SYNRG: variants seen among roughly 807,000 people sequenced by gnomAD.
The protein encoded by SYNRG is synergin gamma, also known as AP1 gamma subunit binding protein 1.
Under a neutral mutation model 130.9 loss-of-function variants are expected in SYNRG, and 37 were observed. That is an observed-to-expected ratio of 0.28 (90% CI 0.22 to 0.37). SYNRG has a LOEUF of 0.37. Ranked by LOEUF, SYNRG falls within the 10% of genes least tolerant of loss-of-function variation. The pLI, the probability that SYNRG is intolerant of heterozygous loss-of-function variation, is 1.00. For synonymous variants in SYNRG, 539 were observed against 568.1 expected, an observed-to-expected ratio of 0.95 and a Z score of 0.73; for missense variants, 1,338 against 1,588.9, an observed-to-expected ratio of 0.84 and a Z score of 2.68.
In SYNRG at chr17:37,571,506, C is replaced by T. The variant is rs557279357; in HGVS notation, c.1098+285G>A. 9.2e-5 allele frequency among the ~76,000 whole-genome samples: 14 copies of T among 152,252 alleles called. No individual in the cohort carries two copies. In the East Asian group the frequency reaches 1.7e-3, roughly 19 times the overall value. ...CTGAGGCACGAGAATCACTTGAACC[C>T]GGGAGGCGGAAGCTGCAGTGAGCTG... On this transcript the variant is annotated intron_variant, in intron 9 of 21. Coordinates refer to ENST00000612223, the MANE Select transcript of SYNRG (RefSeq NM_007247.6).
chr17:37,600,490 T>C (rs1331655911), intron 1 of SYNRG, 87 bp from the exon 2 acceptor site: 2 of 1,289,250 alleles, frequency 1.6e-6, no homozygotes, highest in South Asian at 1.2e-5. Context: ...GATAAAAGAC[T>C]TGTAGATGGG....
chr17:37,584,029 C>A (rs748264698), intron 6 of SYNRG, among the ~76,000 whole-genome samples: 1 of 152,076 alleles, frequency 6.6e-6, no homozygotes, highest in Non-Finnish European at 1.5e-5. Context: ...AATGTGGTAA[C>A]AATTATGCAA....
intron 4 of SYNRG, among the ~76,000 whole-genome samples, chr17:37,585,715 G>A (rs529148387): frequency 2.0e-5 from 3 of 152,130 alleles, no homozygotes; most frequent in South Asian, 2.1e-4. Context: ...AAGTATTCTC[G>A]AAAAACAGGC....
chr17:37,535,864 T>C (rs2057138682), intron 19 of SYNRG, 115 bp downstream of exon 19: 2 of 1,377,410 alleles, frequency 1.5e-6, no homozygotes, highest in Non-Finnish European at 2.0e-6. Flanking sequence ...TAATATAACA[T>C]GCTCCAGTTG....
chr17:37,525,567 T>G (rs2143993873), intron 19 of SYNRG, among the ~76,000 whole-genome samples: 1 of 152,330 alleles, frequency 6.6e-6, no homozygotes, highest in East Asian at 1.9e-4. Context: ...GTATGGTGGC[T>G]CACACCTGTA....
Position 37,517,052 on chromosome 17 carries a change from T to C in SYNRG, c.*1888A>G, listed in dbSNP as rs2054481183. 6.6e-6 allele frequency: 1 copy of C among 152,128 alleles called. No homozygotes were observed. Among genetic ancestry groups the C allele is most frequent in the African/African-American group, 2.4e-5 (1 of 41,400 alleles). 9.4% of individuals were successfully genotyped at this position (152,128 alleles called of 1,614,324 possible). A position where few individuals can be genotyped will look rare whatever the true frequency, so the allele number is the denominator to read the frequency against. ...CAACATGGAGAAACCTTGCCTCTACTAAAAATACAAAATTAGCTGGGCGTG... is the reference window on the plus strand; with the variant it reads ...CAACATGGAGAAACCTTGCCTCTACCAAAAATACAAAATTAGCTGGGCGTG... On this transcript the variant is annotated 3_prime_UTR_variant, in exon 22 of 22. Transcript: ENST00000612223.
intron 19 of SYNRG, among the ~76,000 whole-genome samples, chr17:37,528,466 A>ATAATAG (rs1400043720): frequency 1.3e-5 from 2 of 152,180 alleles, no homozygotes; most frequent in East Asian, 1.9e-4. Context: ...AGTAGTAGTA[A>ATAATAG]TAATAGTAAT....
intron 11 of SYNRG, among the ~76,000 whole-genome samples, chr17:37,565,914 G>T (rs1431441215): frequency 6.8e-6 from 1 of 146,648 alleles, no homozygotes; most frequent in Non-Finnish European, 1.5e-5. Flanking sequence ...GAGGGAGGTG[G>T]GGGGGTCAGC....
At chr17:37,584,781 C>A in intron 5 of SYNRG, 22 bp from the exon 6 acceptor site, 1 of 1,559,254 alleles carries the variant, frequency 6.4e-7, no homozygotes, top group Non-Finnish European at 8.8e-7. Flanking sequence ...CAAATATATG[C>A]GTATTTCTTT....
At chr17:37,594,241 ATTAATTATTTTAATT>A (rs2062509561) in intron 3 of SYNRG, among the ~76,000 whole-genome samples, 5 of 144,886 alleles carry the variant, frequency 3.5e-5, no homozygotes, top group South Asian at 2.2e-4. Flanking sequence ...TAATTACAAT[ATTAATTATTTTAATT>A]ATATTAATTA....
At chr17:37,603,362 AC>A (rs1052846410) in intron 1 of SYNRG, among the ~76,000 whole-genome samples, 23 of 152,242 alleles carry the variant, frequency 1.5e-4, no homozygotes, top group African/African-American at 5.5e-4. Flanking sequence ...AATAACAACA[AC>A]AACAACAATA....
At chr17:37,576,442 T>C (rs755153441) in intron 7 of SYNRG, 24 bp from the exon 8 acceptor site, 28 of 1,600,924 alleles carry the variant, frequency 1.7e-5, no homozygotes, top group Non-Finnish European at 2.2e-5. Flanking sequence ...AACATTAATG[T>C]ATATAGTGGT....
rs2054384723 is a variant in SYNRG, at chr17:37,515,800, T to C, written c.*3140A>G. ...AGTGGTCCCCAGTACAGGGCCAGCA[T>C]TTCCTATTTCTGTAACATACAGCCC... On this transcript the variant is annotated 3_prime_UTR_variant, in exon 22 of 22. Coordinates refer to ENST00000612223, the MANE Select transcript of SYNRG (RefSeq NM_007247.6). 6.6e-6 allele frequency: 1 copy of C among 152,232 alleles called. No homozygotes were observed. The highest frequency in any genetic ancestry group is 2.1e-4 in the South Asian group (1 of 4,832). 9.4% of individuals were successfully genotyped at this position (152,232 alleles called of 1,614,324 possible). A position where few individuals can be genotyped will look rare whatever the true frequency, so the allele number is the denominator to read the frequency against.
rs2057836170 is a variant in SYNRG at position 37,542,335 on chromosome 17, C to G, written c.2839G>C (p.Val947Leu). The part of the protein sequence containing the change: ...ENITMTSLSK[V>L]TTFVSEDALP... ...GCATCTTCACTTACAAAGGTCGTTA[C>G]TTTGGAGAGAGATGTCATGGTGATG... The change falls in exon 15 of 22, where the codon GTA becomes CTA. Residue 947 changes from valine (V) to leucine (L), a missense_variant. This residue lies in a region of SYNRG where 1,146 missense variants were observed against 1,342.3 expected (regional missense o/e 0.85). Coordinates refer to ENST00000612223, the MANE Select transcript of SYNRG (RefSeq NM_007247.6). The G allele has an allele frequency of 6.2e-7, 1 of 1,614,092 alleles. No homozygotes were observed. Among genetic ancestry groups the G allele is most frequent in the Non-Finnish European group, 8.5e-7 (1 of 1,180,044 alleles).
At chr17:37,584,389 T>G (rs1180210411) in intron 6 of SYNRG, 6 of 357,680 alleles carry the variant, frequency 1.7e-5, no homozygotes, top group Admixed American at 8.4e-5. Flanking sequence ...AACATATTTA[T>G]ATACAGAAAA....
At chr17:37,608,053 C>T (rs2063966677) in intron 1 of SYNRG, among the ~76,000 whole-genome samples, 1 of 151,078 alleles carries the variant, frequency 6.6e-6, no homozygotes, top group African/African-American at 2.4e-5. Context: ...CAGAAACTGG[C>T]TTACACGAAG....
intron 11 of SYNRG, among the ~76,000 whole-genome samples, chr17:37,564,473 T>C (rs2059772317): frequency 6.6e-6 from 1 of 152,232 alleles, no homozygotes; most frequent in Admixed American, 6.5e-5. Context: ...TCACTTTCAT[T>C]GTGCCACTTC....
At chr17:37,585,234 G>C in intron 5 of SYNRG, 91 bp downstream of exon 5, 8 of 987,882 alleles carry the variant, frequency 8.1e-6, no homozygotes, top group Non-Finnish European at 1.2e-5. Context: ...AGCTTGGGCT[G>C]GTGCCCCAGT....
At chr17:37,522,888 C>T (rs2055316510) in intron 19 of SYNRG, among the ~76,000 whole-genome samples, 1 of 151,828 alleles carries the variant, frequency 6.6e-6, no homozygotes, top group Non-Finnish European at 1.5e-5. Flanking sequence ...ATCTGTCCAC[C>T]TTGGCCTCCC....
Sources: gnomAD v4.1 joint callset for allele counts (sites outside exome capture counted in the v4.1 genomes callset) on GRCh38, gnomAD v4.1.1 for gene constraint, gnomAD v4.1.1 regional missense constraint, MANE v1.5 for transcripts, NCBI Gene and HGNC (gene_info 2026-07-23, HGNC 2026-07-21) for gene names.